CNTN5: variants seen among roughly 807,000 people sequenced by gnomAD.
CNTN5 encodes the protein contactin 5, also known as contactin-5.
Under a neutral mutation model 129.1 loss-of-function variants are expected in CNTN5, and 77 were observed. The ratio of observed to expected loss-of-function variants is 0.60; its 90% confidence interval spans 0.50 to 0.72. CNTN5 has a LOEUF of 0.72. Among genes scored for constraint, CNTN5 ranks in the 30% least tolerant of loss-of-function variants. The probability of loss-of-function intolerance (pLI) is 0.00; values close to 1 mark genes in which losing one functional copy is unlikely to be tolerated. For synonymous variants in CNTN5, 509 were observed against 465.6 expected (o/e 1.09, Z -1.20); for missense variants, 1,478 against 1,328.8 (o/e 1.11, Z -1.75).
At chr11:100,007,454 A>T (rs976839353) in intron 9 of CNTN5, among the ~76,000 whole-genome samples, 1 of 151,998 alleles carries the variant, frequency 6.6e-6, no homozygotes, top group Non-Finnish European at 1.5e-5. Context: ...TCTTAGATAG[A>T]TTTTCTGAAT....
intron 2 of CNTN5, among the ~76,000 whole-genome samples, chr11:99,549,743 T>G (rs1948419690): frequency 1.3e-5 from 2 of 152,180 alleles, no homozygotes; most frequent in East Asian, 3.9e-4. Context: ...TCAGAATTTA[T>G]GTGGAGTCGT....
intron 1 of CNTN5, among the ~76,000 whole-genome samples, chr11:99,110,670 A>G (rs1029912400): frequency 3.3e-5 from 5 of 152,156 alleles, no homozygotes; most frequent in Admixed American, 6.6e-5. Flanking sequence ...ATTACTCTAG[A>G]AGCTTTTATA....
At chr11:99,505,855 C>G (rs1402567565) in intron 2 of CNTN5, among the ~76,000 whole-genome samples, 2 of 152,180 alleles carry the variant, frequency 1.3e-5, no homozygotes, top group African/African-American at 2.4e-5. Context: ...CAGCAAGGAG[C>G]ATTTTGCCAG....
intron 9 of CNTN5, among the ~76,000 whole-genome samples, chr11:100,006,367 A>G (rs1334061368): frequency 6.6e-6 from 1 of 152,090 alleles, no homozygotes; most frequent in East Asian, 1.9e-4. Flanking sequence ...GTTAGATAGC[A>G]TTTTACCCAC....
In CNTN5 at chr11:99,595,232, G is replaced by A. The variant is rs1231657165; in HGVS notation, c.55+38963G>A. 3.9e-5 allele frequency among the ~76,000 whole-genome samples: 6 copies of A among 152,114 alleles called. No individual in the cohort carries two copies. The East Asian group carries it at 1.2e-3, about 29-fold the overall frequency. On this transcript the variant is annotated intron_variant, in intron 3 of 24. Transcript: ENST00000524871. Reference sequence around the variant, plus strand: ...TTAAATGTTGCCACTACAAAAAAAGGTAAACGTTTAAAGTGATTGATATGG... The same window carrying A: ...TTAAATGTTGCCACTACAAAAAAAGATAAACGTTTAAAGTGATTGATATGG...
intron 1 of CNTN5, among the ~76,000 whole-genome samples, chr11:99,057,194 T>G (rs2135196110): frequency 6.6e-6 from 1 of 152,200 alleles, no homozygotes; most frequent in East Asian, 1.9e-4. Context: ...TCATGTTGCC[T>G]TCAGTGAGCC....
chr11:99,038,128 G>C (rs1421811861), intron 1 of CNTN5, among the ~76,000 whole-genome samples: 2 of 152,020 alleles, frequency 1.3e-5, no homozygotes, highest in South Asian at 2.1e-4. Flanking sequence ...ATAACACAGA[G>C]TGAGCTCTCA....
chr11:99,365,121 C>A (rs963049829), intron 2 of CNTN5, among the ~76,000 whole-genome samples: 2 of 152,124 alleles, frequency 1.3e-5, no homozygotes, highest in Non-Finnish European at 2.9e-5. Context: ...TCAAATTGAT[C>A]TGGCTTCACT....
intron 7 of CNTN5, 37 bp from the exon 8 acceptor site, chr11:99,956,769 C>G (rs1565718988): frequency 1.3e-6 from 2 of 1,521,558 alleles, no homozygotes; most frequent in East Asian, 2.3e-5. Context: ...ATGAAAAAAT[C>G]AAAGTCTTTC....
At chr11:99,850,750 G>C (rs1947847565) in intron 6 of CNTN5, among the ~76,000 whole-genome samples, 1 of 152,016 alleles carries the variant, frequency 6.6e-6, no homozygotes, top group Non-Finnish European at 1.5e-5. Flanking sequence ...TATTTCCCTG[G>C]TGGTCAGAGC....
chr11:99,201,528 T>C (rs1180617151), intron 1 of CNTN5, among the ~76,000 whole-genome samples: 2 of 152,056 alleles, frequency 1.3e-5, no homozygotes, highest in East Asian at 1.9e-4. Context: ...CAAGAGAATA[T>C]ATTAGGTTAC....
rs34601310 is a variant in CNTN5, at chr11:100,110,427, A to AT, written c.1580+36142dup. Among the ~76,000 whole-genome samples, 322 of 150,766 alleles carry AT rather than the reference A, an allele frequency of 2.1e-3. 1 individual carries two copies. Among genetic ancestry groups the AT allele is most frequent in the Non-Finnish European group, 3.8e-3 (257 of 67,652 alleles). On this transcript the variant is annotated intron_variant, in intron 13 of 24. Coordinates refer to ENST00000524871, the MANE Select transcript of CNTN5 (RefSeq NM_014361.4). The stretch of plus-strand genomic sequence containing the variant: ...TATTTTCCAATAATATAGGATTGCT[A>AT]TTTTTTTTTCTGATACATGGTTAAG...
intron 3 of CNTN5, among the ~76,000 whole-genome samples, chr11:99,685,529 A>G (rs1483446956): frequency 6.6e-6 from 1 of 151,992 alleles, no homozygotes; most frequent in Admixed American, 6.6e-5. Context: ...TTCTGAGATT[A>G]CATAATTTGA....
At chr11:99,237,263 G>T (rs936583344) in intron 1 of CNTN5, among the ~76,000 whole-genome samples, 3 of 152,034 alleles carry the variant, frequency 2.0e-5, no homozygotes, top group Admixed American at 2.0e-4. Context: ...ATAATCTTCA[G>T]TATGTTAACA....
chr11:99,028,709 T>C (rs935337890), intron 1 of CNTN5, among the ~76,000 whole-genome samples: 1 of 108,180 alleles, frequency 9.2e-6, no homozygotes, highest in Non-Finnish European at 2.0e-5. Context: ...AAACTCAAGG[T>C]AAAAATGAAT....
intron 3 of CNTN5, among the ~76,000 whole-genome samples, chr11:99,686,152 T>A (rs1421093312): frequency 1.3e-5 from 2 of 152,020 alleles, no homozygotes; most frequent in Admixed American, 1.3e-4. Context: ...TATCTTTTAA[T>A]CTGCAAATGG....
intron 1 of CNTN5, among the ~76,000 whole-genome samples, chr11:99,291,815 C>T (rs370094153): frequency 4.6e-5 from 7 of 152,044 alleles, no homozygotes; most frequent in Non-Finnish European, 7.4e-5. Flanking sequence ...AGTCTAACAA[C>T]GCCTTTTATT....
chr11:99,211,386 T>C (rs777888469), intron 1 of CNTN5, among the ~76,000 whole-genome samples: 26 of 152,240 alleles, frequency 1.7e-4, no homozygotes, highest in Admixed American at 5.9e-4. Context: ...GTCTAGACAA[T>C]TTTTTAAATT....
intron 13 of CNTN5, among the ~76,000 whole-genome samples, chr11:100,156,865 T>C (rs898509534): frequency 2.0e-5 from 3 of 151,920 alleles, no homozygotes; most frequent in Non-Finnish European, 4.4e-5. Context: ...TTTTTTAGTG[T>C]GTCTATTTGA....
Sources: allele counts gnomAD v4.1 joint callset (sites outside exome capture counted in the v4.1 genomes callset), GRCh38; gene constraint gnomAD v4.1.1; transcripts MANE v1.5; gene names NCBI Gene and HGNC (gene_info 2026-07-23, HGNC 2026-07-21).